The following TRPM3 variants were observed in gnomAD, a reference collection of about 807,000 sequenced individuals.
The protein encoded by TRPM3 is transient receptor potential cation channel subfamily M member 3, also known as long transient receptor potential channel 3.
A neutral mutation model predicts 181.2 loss-of-function variants in TRPM3; 77 were observed. The observed-to-expected ratio is 0.42, with a 90% CI of 0.35 to 0.51. The LOEUF is 0.51. Among genes scored for constraint, TRPM3 ranks in the 20% least tolerant of loss-of-function variants. The pLI is 0.01. For synonymous variants in TRPM3, 745 were observed against 796.4 expected, an observed-to-expected ratio of 0.94 and a Z score of 1.09; for missense variants, 1,759 against 2,196.7, an observed-to-expected ratio of 0.80 and a Z score of 3.98.
intron 1 of TRPM3, among the ~76,000 whole-genome samples, chr9:71,139,883 CAG>C (rs1165707147): frequency 6.6e-6 from 1 of 152,094 alleles, no homozygotes; most frequent in Admixed American, 6.6e-5. Flanking sequence ...TCTGGTCAAT[CAG>C]GGAAATAAAT....
intron 3 of TRPM3, among the ~76,000 whole-genome samples, chr9:70,860,939 G>T (rs1337600268): frequency 1.3e-5 from 2 of 152,132 alleles, no homozygotes; most frequent in Admixed American, 1.3e-4. Flanking sequence ...CTGAGGCTCA[G>T]AAAATTTAAG....
intron 1 of TRPM3, among the ~76,000 whole-genome samples, chr9:70,889,190 CA>C (rs2096149019): frequency 6.6e-6 from 1 of 152,154 alleles, no homozygotes; most frequent in South Asian, 2.1e-4. Context: ...ATAGCAAGGT[CA>C]AGCCCATATG....
At chr9:70,743,051 G>A (rs571898815) in intron 8 of TRPM3, among the ~76,000 whole-genome samples, 5 of 152,166 alleles carry the variant, frequency 3.3e-5, no homozygotes, top group Admixed American at 6.6e-5. Context: ...TAGAGATGGA[G>A]AATTATAGGG....
intron 1 of TRPM3, among the ~76,000 whole-genome samples, chr9:71,025,395 C>G (rs114894663): frequency 2.9e-3 from 434 of 152,226 alleles, no homozygotes; most frequent in African/African-American, 9.8e-3. Flanking sequence ...CTCCACTGTG[C>G]GACAGCCTGA....
intron 1 of TRPM3, among the ~76,000 whole-genome samples, chr9:71,019,382 T>C (rs1398689601): frequency 1.3e-5 from 2 of 152,040 alleles, no homozygotes; most frequent in Non-Finnish European, 2.9e-5. Context: ...TAAAAATTAA[T>C]ACATGAATCT....
chr9:70,614,315 T>TA lies in TRPM3; in HGVS notation c.2526+1592dup, dbSNP rs11324706. Among the ~76,000 whole-genome samples, 342 of 126,604 alleles carry TA rather than the reference T, an allele frequency of 2.7e-3. 3 individuals are homozygous for TA. Among genetic ancestry groups the TA allele is most frequent in the African/African-American group, 9.4e-3 (318 of 33,842 alleles). The allele number at this position is 126,604 out of a possible 152,430, so 83.1% of individuals were successfully genotyped here. A position where few individuals can be genotyped will look rare whatever the true frequency, so the allele number is the denominator to read the frequency against. ...TTCAAGATTAGCCTGGGCAATCTCT[T>TA]AAAAAAAAAAAAAAAAAAAGGCCAG... On this transcript the variant is annotated intron_variant, in intron 18 of 25. Transcript: ENST00000677713.
chr9:70,996,965 C>A (rs1041194594), intron 1 of TRPM3, among the ~76,000 whole-genome samples: 1 of 152,118 alleles, frequency 6.6e-6, no homozygotes, highest in Non-Finnish European at 1.5e-5. Context: ...CCTTTTAATA[C>A]GAGTTTATGA....
intron 18 of TRPM3, among the ~76,000 whole-genome samples, chr9:70,611,615 T>C (rs1267971119): frequency 6.6e-6 from 1 of 152,192 alleles, no homozygotes; most frequent in African/African-American, 2.4e-5. Flanking sequence ...TTTATGGCCA[T>C]GTGAAAACGG....
At position 70,833,430 on chromosome 9, in the gene TRPM3, C is replaced by T. The variant is rs138917118; in HGVS notation, c.802-5412G>A. ...AAACAATCATTCTTTCCTAATAGCA[C>T]CATCATTTTAATTTAGGCTGAAAAA... On this transcript the variant is annotated intron_variant, in intron 5 of 25. Transcript: ENST00000677713. Among the ~76,000 whole-genome samples the T allele has an allele frequency of 2.7e-3, 406 of 152,254 alleles. 4 individuals are homozygous for T. Among genetic ancestry groups the T allele is most frequent in the African/African-American group, 8.8e-3 (367 of 41,532 alleles).
At chr9:71,151,768 G>A (rs1020152391) in intron 1 of TRPM3, among the ~76,000 whole-genome samples, 1 of 152,014 alleles carries the variant, frequency 6.6e-6, no homozygotes, top group Non-Finnish European at 1.5e-5. Context: ...CTCTTAAGTA[G>A]CCACTAAAAA....
intron 1 of TRPM3, among the ~76,000 whole-genome samples, chr9:71,314,510 G>A (rs933081763): frequency 6.6e-6 from 1 of 152,066 alleles, no homozygotes; most frequent in Non-Finnish European, 1.5e-5. Context: ...AAAGCATATG[G>A]AAAGAAGCAA....
chr9:71,270,499 T>A (rs910181479), intron 1 of TRPM3, among the ~76,000 whole-genome samples: 5 of 152,190 alleles, frequency 3.3e-5, no homozygotes, highest in African/African-American at 1.2e-4. Flanking sequence ...TAAACTTATG[T>A]CTATTCTTTG....
chr9:71,327,563 C>T (rs1005458009), intron 1 of TRPM3, among the ~76,000 whole-genome samples: 4 of 152,150 alleles, frequency 2.6e-5, no homozygotes, highest in Admixed American at 2.0e-4. Flanking sequence ...CAGTGCAATA[C>T]AAATCACGTA....
intron 1 of TRPM3, among the ~76,000 whole-genome samples, chr9:70,969,314 A>G (rs1424751005): frequency 6.6e-6 from 1 of 152,008 alleles, no homozygotes; most frequent in African/African-American, 2.4e-5. Context: ...TAGGAGAAAT[A>G]CCTAATGCAG....
intron 1 of TRPM3, among the ~76,000 whole-genome samples, chr9:71,043,811 T>G (rs984366611): frequency 6.6e-6 from 1 of 152,188 alleles, no homozygotes; most frequent in African/African-American, 2.4e-5. Context: ...GGAATTTCAG[T>G]GCAGTATACC....
chr9:70,766,450 T>C (rs1222191243), intron 7 of TRPM3, among the ~76,000 whole-genome samples: 1 of 152,134 alleles, frequency 6.6e-6, no homozygotes, highest in Non-Finnish European at 1.5e-5. Context: ...GTGACCCCCA[T>C]AGATATTTTC....
At chr9:70,579,746 G>A (rs570806874) in intron 22 of TRPM3, among the ~76,000 whole-genome samples, 15 of 152,324 alleles carry the variant, frequency 9.8e-5, no homozygotes, top group Non-Finnish European at 1.9e-4. Flanking sequence ...TGCAGGCAGC[G>A]TAGAAGACAG....
intron 1 of TRPM3, among the ~76,000 whole-genome samples, chr9:71,394,015 T>C (rs1018865892): frequency 5.3e-5 from 8 of 152,176 alleles, no homozygotes; most frequent in African/African-American, 1.9e-4. Context: ...GTATTGTGTA[T>C]GTACACACGT....
intron 1 of TRPM3, among the ~76,000 whole-genome samples, chr9:70,937,651 C>G (rs1008101772): frequency 1.3e-5 from 2 of 152,000 alleles, no homozygotes; most frequent in Admixed American, 1.3e-4. Flanking sequence ...TGTGTGTAAA[C>G]CTCACCAGAA....
Sources: gnomAD v4.1 joint callset for allele counts (sites outside exome capture counted in the v4.1 genomes callset) on GRCh38, gnomAD v4.1.1 for gene constraint, MANE v1.5 for transcripts, NCBI Gene and HGNC (gene_info 2026-07-23, HGNC 2026-07-21) for gene names.